RBFOX2: variants seen among roughly 807,000 people sequenced by gnomAD.
RBFOX2 encodes the protein RNA binding fox-1 homolog 2.
Under a neutral mutation model 49.1 loss-of-function variants are expected in RBFOX2, and 10 were observed. That is an observed-to-expected ratio of 0.20 (90% CI 0.13 to 0.35). The LOEUF is 0.35. RBFOX2 is among the 10% of genes least tolerant of loss of function. The probability of loss-of-function intolerance (pLI) is 1.00; values close to 1 mark genes in which losing one functional copy is unlikely to be tolerated. For missense variants in RBFOX2, 323 were observed against 486.9 expected (o/e 0.66, Z 3.17); for synonymous variants, 183 against 187.4 (o/e 0.98, Z 0.19).
intron 1 of RBFOX2, among the ~76,000 whole-genome samples, chr22:35,875,211 T>C (rs1482295397): frequency 6.6e-6 from 1 of 152,020 alleles, no homozygotes; most frequent in East Asian, 1.9e-4. Context: ...ACTAAGATAA[T>C]GAGCATTAAA....
chr22:35,978,995 G>A (rs1180861078), intron 1 of RBFOX2, among the ~76,000 whole-genome samples: 1 of 152,160 alleles, frequency 6.6e-6, no homozygotes, highest in Non-Finnish European at 1.5e-5. Context: ...GAAAAATGAT[G>A]AATCTGATGT....
intron 2 of RBFOX2, among the ~76,000 whole-genome samples, chr22:35,804,583 G>A (rs1346224462): frequency 1.3e-5 from 2 of 152,222 alleles, no homozygotes; most frequent in East Asian, 3.9e-4. Context: ...ACTCCCATGG[G>A]AGTGGTCCAT....
chr22:35,755,605 T>G (rs966711809), intron 9 of RBFOX2, among the ~76,000 whole-genome samples: 24 of 152,148 alleles, frequency 1.6e-4, no homozygotes, highest in Non-Finnish European at 2.6e-4. Flanking sequence ...GTAGGTAAAA[T>G]AGGAAAATGT....
chr22:35,781,074 C>T lies in RBFOX2; in HGVS notation c.399+526G>A, dbSNP rs1272169413. On this transcript the variant is annotated intron_variant, in intron 3 of 11. Coordinates refer to ENST00000405409, the Ensembl canonical transcript of RBFOX2. Reference sequence around the variant, plus strand: ...GCAATGGTTCCCAAACTTATGTGCACATTAGTATCAGCTGGGGATTTTGTA... The same window carrying T: ...GCAATGGTTCCCAAACTTATGTGCATATTAGTATCAGCTGGGGATTTTGTA... Among the ~76,000 whole-genome samples, 3 of 152,254 alleles carry T rather than the reference C, an allele frequency of 2.0e-5. No individual in the cohort carries two copies. In the East Asian group the frequency reaches 5.8e-4, roughly 29 times the overall value.
rs113542935 is a variant in RBFOX2 at position 35,944,782 on chromosome 22, A to G, written c.43-5885T>C. On this transcript the variant is annotated intron_variant, in intron 1 of 5. Transcript: ENST00000408983. ...CAACAAAGTTAAACCAAGCAATGAA[A>G]AAAACAAATCTGGCCAGCCGCGGCG... Among the ~76,000 whole-genome samples, 736 of 152,290 alleles carry G rather than the reference A, an allele frequency of 4.8e-3. 10 individuals are homozygous for G. The highest frequency in any genetic ancestry group is 0.016 in the African/African-American group (678 of 41,564).
chr22:35,942,593 G>A (rs2053814284), upstream of RBFOX2, among the ~76,000 whole-genome samples: 1 of 151,396 alleles, frequency 6.6e-6, no homozygotes, highest in African/African-American at 2.4e-5. Flanking sequence ...ATGACCTCAG[G>A]TCATATTAAA....
intron 6 of RBFOX2, among the ~76,000 whole-genome samples, chr22:35,764,020 G>A (rs1939938382): frequency 6.6e-6 from 1 of 152,080 alleles, no homozygotes; most frequent in African/African-American, 2.4e-5. Flanking sequence ...TGTTTACTTT[G>A]AGTTTTTATC....
chr22:36,022,866 A>G (rs2059297922), intron 1 of RBFOX2, among the ~76,000 whole-genome samples: 1 of 152,210 alleles, frequency 6.6e-6, no homozygotes, highest in South Asian at 2.1e-4. Context: ...ACAAGCCAGA[A>G]GGTGGGCCCT....
At chr22:35,965,143 G>A (rs769344219), upstream of RBFOX2, among the ~76,000 whole-genome samples, 2 of 152,188 alleles carry the variant, frequency 1.3e-5, no homozygotes, top group Non-Finnish European at 2.9e-5. Context: ...AAGATGCCAT[G>A]GAGAATGAGC....
At chr22:35,818,587 C>T (rs894946014) in intron 1 of RBFOX2, among the ~76,000 whole-genome samples, 1 of 152,054 alleles carries the variant, frequency 6.6e-6, no homozygotes, top group Non-Finnish European at 1.5e-5. Context: ...AGTTCAAGAC[C>T]AGCCTGGGCA....
At chr22:35,877,941 T>C (rs544264091) in intron 1 of RBFOX2, among the ~76,000 whole-genome samples, 4 of 151,494 alleles carry the variant, frequency 2.6e-5, no homozygotes, top group African/African-American at 7.3e-5. Flanking sequence ...CTGAAGATAA[T>C]AGCAGCGAAT....
intron 1 of RBFOX2, among the ~76,000 whole-genome samples, chr22:35,852,061 A>AT (rs955604440): frequency 1.4e-5 from 2 of 140,008 alleles, no homozygotes; most frequent in South Asian, 2.1e-4. Flanking sequence ...GTGAAAAGCA[A>AT]TAAAAAAAAC....
At chr22:35,960,753 C>T (rs2056108656) in intron 1 of RBFOX2, among the ~76,000 whole-genome samples, 1 of 152,050 alleles carries the variant, frequency 6.6e-6, no homozygotes, top group Admixed American at 6.5e-5. Context: ...TTCGAAGAAA[C>T]CTAGTGTCTT....
At chr22:35,962,105 T>C (rs2056260029), upstream of RBFOX2, among the ~76,000 whole-genome samples, 1 of 152,218 alleles carries the variant, frequency 6.6e-6, no homozygotes, top group Non-Finnish European at 1.5e-5. Flanking sequence ...CATCACAGTG[T>C]TCCGCTGTTT....
At chr22:35,966,110 T>C (rs2056544404), upstream of RBFOX2, among the ~76,000 whole-genome samples, 1 of 152,222 alleles carries the variant, frequency 6.6e-6, no homozygotes, top group Non-Finnish European at 1.5e-5. Flanking sequence ...GTTTTGAAGT[T>C]TGTATTAATG....
intron 1 of RBFOX2, among the ~76,000 whole-genome samples, chr22:35,935,075 C>T (rs776447277): frequency 6.6e-6 from 1 of 152,094 alleles, no homozygotes; most frequent in Non-Finnish European, 1.5e-5. Flanking sequence ...GCTGGGACTA[C>T]AGGCACACAC....
Position 35,757,593 on chromosome 22 carries a change from T to C in RBFOX2, c.887+2295A>G, listed in dbSNP as rs545854853. Among the ~76,000 whole-genome samples the C allele has an allele frequency of 2.6e-5, 4 of 152,348 alleles. No individual in the cohort carries two copies. The South Asian group carries it at 8.3e-4, about 32-fold the overall frequency. ...AGGTAGGTGGAATGTTTCTTAATTC[T>C]ATTTCCAATGACATTTGGTTGTATT... On this transcript the variant is annotated intron_variant, in intron 9 of 11. Coordinates refer to ENST00000405409, the Ensembl canonical transcript of RBFOX2.
intron 3 of RBFOX2, among the ~76,000 whole-genome samples, chr22:35,779,879 C>T (rs1174771998): frequency 6.6e-6 from 1 of 152,152 alleles, no homozygotes; most frequent in Non-Finnish European, 1.5e-5. Context: ...TTCAAGAAGT[C>T]ACTAACTGGC....
At chr22:35,954,804 T>C (rs529745997) in intron 1 of RBFOX2, among the ~76,000 whole-genome samples, 19 of 152,212 alleles carry the variant, frequency 1.2e-4, no homozygotes, top group Non-Finnish European at 2.2e-4. Context: ...GAAAGAGGCA[T>C]GTAAACAAAT....
Sources: gnomAD v4.1 joint callset for allele counts (sites outside exome capture counted in the v4.1 genomes callset) on GRCh38, gnomAD v4.1.1 for gene constraint, MANE v1.5 for transcripts, NCBI Gene and HGNC (gene_info 2026-07-23, HGNC 2026-07-21) for gene names.